The following RFX4 variants were observed in gnomAD, a reference collection of about 807,000 sequenced individuals.
RFX4 encodes the protein regulatory factor X4, also known as transcription factor RFX4.
Under a neutral mutation model 95.0 loss-of-function variants are expected in RFX4, and 10 were observed. That is an observed-to-expected ratio of 0.11 (90% confidence interval 0.06 to 0.18). The LOEUF is 0.18. RFX4 is among the 10% of genes least tolerant of loss of function. The probability of loss-of-function intolerance (pLI) is 1.00; values close to 1 mark genes in which losing one functional copy is unlikely to be tolerated. For missense variants in RFX4, 640 were observed against 922.0 expected (o/e 0.69, Z 3.96); for synonymous variants, 321 against 340.7 (o/e 0.94, Z 0.64).
chr12:106,642,306 G>A (rs568693370), intron 3 of RFX4, among the ~76,000 whole-genome samples: 15 of 150,678 alleles, frequency 1.0e-4, no homozygotes, highest in Admixed American at 3.3e-4. Context: ...CACCGTGCCC[G>A]TATATATATG....
intron 4 of RFX4, 42 bp downstream of exon 4, chr12:106,654,393 A>G (rs1352167414): frequency 1.3e-5 from 20 of 1,579,586 alleles, no homozygotes; most frequent in Middle Eastern, 3.3e-4. Context: ...TACCACCCCA[A>G]CTTTAAGTAA....
At chr12:106,630,040 C>T (rs1296129169) in intron 2 of RFX4, among the ~76,000 whole-genome samples, 1 of 152,228 alleles carries the variant, frequency 6.6e-6, no homozygotes, top group African/African-American at 2.4e-5. Context: ...AACTGACCAT[C>T]TTTCCACCTT....
chr12:106,692,467 G>T (rs10746064), intron 7 of RFX4, among the ~76,000 whole-genome samples: 54,739 of 151,732 alleles, frequency 0.36, 9,948 homozygotes, highest in African/African-American at 0.42. Context: ...TCCAAGCCTG[G>T]TACACTTAGG....
intron 2 of RFX4, among the ~76,000 whole-genome samples, chr12:106,623,185 C>T (rs1354305807): frequency 6.6e-6 from 1 of 151,396 alleles, no homozygotes; most frequent in Non-Finnish European, 1.5e-5. Context: ...ACTACAGGCG[C>T]CCACCACTGC....
chr12:106,702,866 C>T (rs900439547), intron 8 of RFX4, among the ~76,000 whole-genome samples: 1 of 152,204 alleles, frequency 6.6e-6, no homozygotes, highest in African/African-American at 2.4e-5. Context: ...TTTTCCACAG[C>T]AACAGCTGTT....
intron 8 of RFX4, among the ~76,000 whole-genome samples, chr12:106,704,847 G>A (rs1036128352): frequency 6.6e-6 from 1 of 152,124 alleles, no homozygotes; most frequent in Non-Finnish European, 1.5e-5. Flanking sequence ...GTGTGCGCGT[G>A]TGTGTGTCGT....
At chr12:106,730,695 G>A (rs1293842841) in intron 13 of RFX4, among the ~76,000 whole-genome samples, 1 of 152,170 alleles carries the variant, frequency 6.6e-6, no homozygotes, top group African/African-American at 2.4e-5. Flanking sequence ...AATAATGCCA[G>A]AGAGTCCCGT....
chr12:106,710,820 G>A (rs998746546), intron 9 of RFX4, among the ~76,000 whole-genome samples: 9 of 152,198 alleles, frequency 5.9e-5, no homozygotes, highest in South Asian at 2.1e-4. Context: ...TCTTGTCTGC[G>A]TTGAAATCCA....
chr12:106,690,553 G>A lies in RFX4; in HGVS notation c.669+1189G>A, dbSNP rs558037640. ...TCCCACCCATGTCACAATCCAGTGC[G>A]TTTGTTCTTGGTTGGAAGGCTGGTT... On this transcript the variant is annotated intron_variant, in intron 7 of 17. Coordinates refer to ENST00000392842, the MANE Select transcript of RFX4 (RefSeq NM_213594.3). Among the ~76,000 whole-genome samples the A allele has an allele frequency of 1.5e-4, 22 of 151,060 alleles. 1 individual carries two copies. The highest frequency in any genetic ancestry group is 8.4e-4 in the South Asian group (4 of 4,746).
intron 4 of RFX4, 56 bp downstream of exon 4, chr12:106,654,407 A>G: frequency 5.1e-6 from 8 of 1,571,252 alleles, no homozygotes; most frequent in African/African-American, 1.4e-5. Flanking sequence ...TAAGTAATTT[A>G]TGCACAGTTT....
intron 3 of RFX4, among the ~76,000 whole-genome samples, chr12:106,640,559 C>T (rs1487607954): frequency 6.6e-6 from 1 of 152,140 alleles, no homozygotes; most frequent in Non-Finnish European, 1.5e-5. Flanking sequence ...AGCCTTTTGG[C>T]CTCTTTCCAT....
chr12:106,723,338 C>T (rs1233386561), intron 13 of RFX4, among the ~76,000 whole-genome samples: 21 of 152,182 alleles, frequency 1.4e-4, no homozygotes, highest in Non-Finnish European at 1.5e-5. Context: ...TTAAAAAACA[C>T]CATCTTTTTA....
chr12:106,757,470 C>A (rs2043129414), intron 17 of RFX4, among the ~76,000 whole-genome samples: 1 of 151,642 alleles, frequency 6.6e-6, no homozygotes, highest in South Asian at 2.1e-4. Context: ...ATCACTTAAG[C>A]CTGGGAGGCA....
intron 4 of RFX4, among the ~76,000 whole-genome samples, chr12:106,668,830 T>C (rs2041227324): frequency 6.6e-6 from 1 of 152,170 alleles, no homozygotes; most frequent in African/African-American, 2.4e-5. Flanking sequence ...TGTGATCACT[T>C]AAGACTGTGG....
chr12:106,757,726 C>T (rs534166884), intron 17 of RFX4, among the ~76,000 whole-genome samples: 1 of 152,300 alleles, frequency 6.6e-6, no homozygotes, highest in East Asian at 1.9e-4. Flanking sequence ...GGCCACCTTT[C>T]ACCCCTTGTT....
At chr12:106,681,508 G>T (rs1321907097) in intron 4 of RFX4, among the ~76,000 whole-genome samples, 1 of 152,190 alleles carries the variant, frequency 6.6e-6, no homozygotes, top group Non-Finnish European at 1.5e-5. Context: ...GCAGTACAAA[G>T]GCCCCCCATG....
chr12:106,761,349 A>G lies in RFX4; in HGVS notation c.2088A>G (p.Gly696=). The part of the protein sequence containing the change: ...TSPSVHSARY[G]NSSDMYTPLT... Reference sequence around the variant, plus strand: ...CGTCTGTGCATTCTGCGAGGTACGGAAACTCTAGTGACATGTATACACCTC... The same window carrying G: ...CGTCTGTGCATTCTGCGAGGTACGGGAACTCTAGTGACATGTATACACCTC... Residue 696 remains glycine (G), a synonymous_variant, in exon 18 of 18, where the codon GGA becomes GGG. Coordinates refer to ENST00000392842, the MANE Select transcript of RFX4 (RefSeq NM_213594.3). 2 of 1,614,108 alleles carry G rather than the reference A, an allele frequency of 1.2e-6. No homozygotes were observed. The highest frequency in any genetic ancestry group is 1.7e-6 in the Non-Finnish European group (2 of 1,180,020).
intron 1 of RFX4, among the ~76,000 whole-genome samples, chr12:106,596,648 G>A (rs2039624064): frequency 1.3e-5 from 2 of 152,216 alleles, no homozygotes; most frequent in Admixed American, 1.3e-4. Flanking sequence ...TATCCAAACT[G>A]AGGTTTGTTG....
chr12:106,626,380 G>A (rs1313977568), intron 2 of RFX4, among the ~76,000 whole-genome samples: 2 of 152,178 alleles, frequency 1.3e-5, no homozygotes, highest in Non-Finnish European at 2.9e-5. Context: ...AAAATCGGGG[G>A]AGGCAGAAAG....
Sources: gnomAD v4.1 joint callset for allele counts (sites outside exome capture counted in the v4.1 genomes callset) on GRCh38, gnomAD v4.1.1 for gene constraint, MANE v1.5 for transcripts, NCBI Gene and HGNC (gene_info 2026-07-23, HGNC 2026-07-21) for gene names.